MAML3: variants seen among roughly 807,000 people sequenced by gnomAD.
MAML3 encodes the protein mastermind like transcriptional coactivator 3, also known as mastermind-like protein 3.
Under a neutral mutation model 101.9 loss-of-function variants are expected in MAML3, and 27 were observed. The observed-to-expected ratio is 0.27, with a 90% CI of 0.20 to 0.37. The LOEUF (loss-of-function observed/expected upper bound fraction) is 0.37, where lower values mean the gene tolerates loss of function less well. Ranked by LOEUF, MAML3 falls within the 10% of genes least tolerant of loss-of-function variation. MAML3 has a pLI of 1.00. For synonymous variants in MAML3, 501 were observed against 555.9 expected (o/e 0.90, Z 1.39); for missense variants, 1,316 against 1,444.9 (o/e 0.91, Z 1.45).
chr4:139,873,518 T>G (rs1282885191), intron 2 of MAML3, among the ~76,000 whole-genome samples: 3 of 152,222 alleles, frequency 2.0e-5, no homozygotes, highest in Non-Finnish European at 4.4e-5. Flanking sequence ...TGGACTTAAA[T>G]TATTTTGCTT....
chr4:140,098,230 T>C (rs1728193308), intron 1 of MAML3, among the ~76,000 whole-genome samples: 1 of 152,222 alleles, frequency 6.6e-6, no homozygotes, highest in Non-Finnish European at 1.5e-5. Flanking sequence ...ATTCGCAGTA[T>C]GCTCAAAAGG....
At chr4:140,105,948 G>A (rs1291944487) in intron 1 of MAML3, among the ~76,000 whole-genome samples, 4 of 151,996 alleles carry the variant, frequency 2.6e-5, no homozygotes, top group Admixed American at 2.0e-4. Flanking sequence ...TGTGAAATGA[G>A]CCAGCCTGGT....
At chr4:139,831,547 G>A (rs36091343) in intron 2 of MAML3, among the ~76,000 whole-genome samples, 5,601 of 152,154 alleles carry the variant, frequency 0.037, 276 homozygotes, top group African/African-American at 0.11. Flanking sequence ...CTGACCAAGA[G>A]GGTGTGGTCT....
chr4:140,086,782 C>T (rs1459825969), intron 1 of MAML3, among the ~76,000 whole-genome samples: 1 of 151,948 alleles, frequency 6.6e-6, no homozygotes, highest in Admixed American at 6.6e-5. Context: ...TCTAACCTGT[C>T]GTAGGAGTAG....
At position 139,924,689 on chromosome 4, in the gene MAML3, C is replaced by T. The variant is rs536159821; in HGVS notation, c.469-33722G>A. 4.6e-5 allele frequency among the ~76,000 whole-genome samples: 7 copies of T among 152,284 alleles called. No individual in the cohort carries two copies. In the South Asian group the frequency reaches 1.5e-3, roughly 32 times the overall value. ...AGCCAGAGGTTCCATTACTTCACTCCCAACTACTACTTCTCTCAAAGAGGG... is the reference window on the plus strand; with the variant it reads ...AGCCAGAGGTTCCATTACTTCACTCTCAACTACTACTTCTCTCAAAGAGGG... On this transcript the variant is annotated intron_variant, in intron 1 of 4. Transcript: ENST00000509479.
At chr4:139,832,809 A>G (rs969308809) in intron 2 of MAML3, among the ~76,000 whole-genome samples, 10 of 152,238 alleles carry the variant, frequency 6.6e-5, no homozygotes, top group Non-Finnish European at 1.2e-4. Flanking sequence ...AATGAACTCA[A>G]TGGTTATTAG....
intron 2 of MAML3, among the ~76,000 whole-genome samples, chr4:139,829,081 G>C (rs138925481): frequency 4.0e-5 from 6 of 149,312 alleles, no homozygotes; most frequent in African/African-American, 1.5e-4. Context: ...AGGAAGCAAG[G>C]AAGGAAGGAA....
At chr4:140,049,133 C>A (rs1408789272) in intron 1 of MAML3, among the ~76,000 whole-genome samples, 1 of 152,262 alleles carries the variant, frequency 6.6e-6, no homozygotes, top group East Asian at 1.9e-4. Context: ...ACAAGAGAAG[C>A]TACCACTCCT....
At chr4:139,919,399 C>T (rs540096420) in intron 1 of MAML3, among the ~76,000 whole-genome samples, 1 of 152,310 alleles carries the variant, frequency 6.6e-6, no homozygotes, top group Non-Finnish European at 1.5e-5. Context: ...TTATTTTGAA[C>T]TGTAATTCTG....
intron 3 of MAML3, among the ~76,000 whole-genome samples, chr4:139,726,154 T>C (rs11947600): frequency 0.049 from 7,427 of 152,276 alleles, 501 homozygotes; most frequent in African/African-American, 0.16. Context: ...AGAGCAGTTA[T>C]GTCTGCTTTT....
intron 1 of MAML3, among the ~76,000 whole-genome samples, chr4:140,101,405 G>T (rs1307338866): frequency 6.6e-6 from 1 of 152,196 alleles, no homozygotes; most frequent in East Asian, 1.9e-4. Flanking sequence ...CTCTTGGACA[G>T]TTGCAGTTGT....
intron 2 of MAML3, among the ~76,000 whole-genome samples, chr4:139,744,929 A>T (rs1579385078): frequency 1.3e-5 from 2 of 152,356 alleles, no homozygotes; most frequent in East Asian, 3.9e-4. Flanking sequence ...CATGAGTTCT[A>T]GGCAGTGTTT....
intron 1 of MAML3, among the ~76,000 whole-genome samples, chr4:139,971,888 G>A (rs1734240919): frequency 6.6e-6 from 1 of 152,166 alleles, no homozygotes; most frequent in Admixed American, 6.6e-5. Flanking sequence ...ATGAGATTGG[G>A]AGGATCAGCA....
chr4:139,990,578 A>G (rs13134500), intron 1 of MAML3, among the ~76,000 whole-genome samples: 65,684 of 140,276 alleles, frequency 0.47, 14,813 homozygotes, highest in East Asian at 0.62. Flanking sequence ...AGGAAATAAA[A>G]GGTATTCAAT....
chr4:139,738,147 C>T (rs1729017755), intron 2 of MAML3, among the ~76,000 whole-genome samples: 1 of 152,232 alleles, frequency 6.6e-6, no homozygotes, highest in Admixed American at 6.5e-5. Context: ...GGTTGTTATT[C>T]TTACTGCCGA....
At chr4:139,757,738 C>T (rs1339927179) in intron 2 of MAML3, among the ~76,000 whole-genome samples, 2 of 152,032 alleles carry the variant, frequency 1.3e-5, no homozygotes, top group Non-Finnish European at 2.9e-5. Flanking sequence ...ACCATGCCAG[C>T]CCCCATGCTA....
chr4:139,954,829 A>C (rs1299085211), intron 1 of MAML3, among the ~76,000 whole-genome samples: 3 of 152,204 alleles, frequency 2.0e-5, no homozygotes. Context: ...CTCTGATGTG[A>C]TCATAACGTA....
intron 1 of MAML3, among the ~76,000 whole-genome samples, chr4:140,046,836 T>C (rs77012019): frequency 3.9e-5 from 6 of 152,194 alleles, no homozygotes; most frequent in Non-Finnish European, 7.4e-5. Context: ...TGTGTTTGCA[T>C]AGTAAATGCA....
chr4:140,153,237 T>C lies in MAML3; in HGVS notation c.91A>G (p.Ile31Val), dbSNP rs1329113747. The C allele has an allele frequency of 1.3e-6, 2 of 1,590,884 alleles. No individual in the cohort carries two copies. The highest frequency in any genetic ancestry group is 2.3e-5 in the South Asian group (2 of 88,018). ...SLNSSLGGAG[I>V]GVNNTPNSTP... is the part of the protein sequence containing the mutation. ...CTATTGGGAGTATTATTCACACCGA[T>C]CCCGGCCCCGCCGAGGCTGCTGTTC... The change falls in exon 1 of 5, where the codon ATC becomes GTC. Residue 31 changes from isoleucine (I) to valine (V), a missense_variant. Physicochemically the swap from Ile to Val is conservative, Grantham distance 29 (BLOSUM62 3). Coordinates refer to ENST00000509479, the MANE Select transcript of MAML3 (RefSeq NM_018717.5).
Sources: gnomAD v4.1 joint callset for allele counts (sites outside exome capture counted in the v4.1 genomes callset) on GRCh38, gnomAD v4.1.1 for gene constraint, MANE v1.5 for transcripts, NCBI Gene and HGNC (gene_info 2026-07-23, HGNC 2026-07-21) for gene names.